Variants in PROM1 observed in about 807,000 individuals in gnomAD.
PROM1 encodes the protein prominin-1.
A neutral mutation model predicts 116.9 loss-of-function variants in PROM1; 105 were observed. The ratio of observed to expected loss-of-function variants is 0.90; its 90% confidence interval spans 0.77 to 1.06. The LOEUF (loss-of-function observed/expected upper bound fraction) is 1.06, where lower values mean the gene tolerates loss of function less well. Ranked by LOEUF, PROM1 falls within the 50% of genes least tolerant of loss-of-function variation. The pLI, the probability that PROM1 is intolerant of heterozygous loss-of-function variation, is 0.00. For synonymous variants in PROM1, 393 were observed against 387.0 expected, an observed-to-expected ratio of 1.02 and a Z score of -0.18; for missense variants, 1,122 against 1,045.2, an observed-to-expected ratio of 1.07 and a Z score of -1.01.
At chr4:15,985,284 G>T (rs1190361225) in intron 22 of PROM1, among the ~76,000 whole-genome samples, 1 of 152,274 alleles carries the variant, frequency 6.6e-6, no homozygotes. Context: ...GAGCACCCAA[G>T]GATTTTGGTA....
chr4:15,998,885 T>C (rs1442943130), intron 14 of PROM1, among the ~76,000 whole-genome samples: 1 of 152,012 alleles, frequency 6.6e-6, no homozygotes, highest in Non-Finnish European at 1.5e-5. Context: ...GCTAGTTTTG[T>C]AGTTTTAGTA....
chr4:16,009,088 A>G lies in PROM1; in HGVS notation c.1162T>C (p.Ser388Pro), dbSNP rs1443764084. Reference protein sequence around the residue: ...VVAGIKRVLNSIGSDIDNVTQ... With the variant: ...VVAGIKRVLNPIGSDIDNVTQ... ...ACATTGTCGATATCTGAACCAATGG[A>G]ATTCAAGACCCTTTTGATACCTGAA... The change falls in exon 12 of 28, where the codon TCC becomes CCC. Residue 388 changes from serine (S) to proline (P), a missense_variant. Physicochemically the swap from Ser to Pro is moderately conservative, Grantham distance 74. Transcript: ENST00000447510. The G allele has an allele frequency of 6.2e-7, 1 of 1,613,090 alleles. No individual in the cohort carries two copies. The highest frequency in any genetic ancestry group is 1.3e-5 in the African/African-American group (1 of 75,050).
intron 23 of PROM1, 30 bp from the exon 24 acceptor site, chr4:15,980,567 G>A (rs751856109): frequency 3.9e-5 from 51 of 1,323,804 alleles, no homozygotes; most frequent in Non-Finnish European, 5.3e-5. Flanking sequence ...AGAATTAAAT[G>A]TTTGAAGATA....
At chr4:15,978,764 C>A (rs994697134) in intron 26 of PROM1, among the ~76,000 whole-genome samples, 1 of 152,232 alleles carries the variant, frequency 6.6e-6, no homozygotes, top group African/African-American at 2.4e-5. Context: ...GTCTCCACCT[C>A]TTATAAGCAG....
intron 18 of PROM1, among the ~76,000 whole-genome samples, chr4:15,990,837 C>A (rs867419032): frequency 6.6e-6 from 1 of 152,234 alleles, no homozygotes; most frequent in South Asian, 2.1e-4. Flanking sequence ...GAACAACCTG[C>A]CACTTAATTA....
In PROM1 at chr4:16,011,500, A is replaced by G. The variant is rs370162250; in HGVS notation, c.1141+1775T>C. On this transcript the variant is annotated intron_variant, in intron 11 of 27. Coordinates refer to ENST00000447510, the MANE Select transcript of PROM1 (RefSeq NM_006017.3). ...GGCACTGGCCCGGCTCTAGGAAGAC[A>G]CTGGCTTGTGCTCAGGCAATGGCAC... 2.6e-5 allele frequency among the ~76,000 whole-genome samples: 4 copies of G among 152,248 alleles called. No individual in the cohort carries two copies. The East Asian group carries it at 5.8e-4, about 22-fold the overall frequency.
intron 1 of PROM1, among the ~76,000 whole-genome samples, chr4:16,081,828 C>T (rs115298436): frequency 0.016 from 2,396 of 151,604 alleles, 51 homozygotes; most frequent in African/African-American, 0.055. Flanking sequence ...GTATAAAAAT[C>T]AGAAGGAAGT....
intron 10 of PROM1, among the ~76,000 whole-genome samples, chr4:16,013,946 G>GA (rs34054630): frequency 4.0e-4 from 60 of 150,440 alleles, no homozygotes; most frequent in East Asian, 1.2e-3. Flanking sequence ...TAGTCTAAAC[G>GA]AAAAAAAAAA....
intron 15 of PROM1, among the ~76,000 whole-genome samples, chr4:15,995,299 G>GGA (rs955006794): frequency 2.0e-5 from 3 of 150,494 alleles, no homozygotes; most frequent in East Asian, 3.9e-4. Flanking sequence ...CCAGTTGGAA[G>GGA]GAGAGAGAGA....
chr4:16,005,388 G>A (rs1725160983), intron 13 of PROM1, among the ~76,000 whole-genome samples: 1 of 152,104 alleles, frequency 6.6e-6, no homozygotes, highest in Non-Finnish European at 1.5e-5. Flanking sequence ...AGTTTGTAAA[G>A]GCCTATACCA....
At chr4:16,071,798 C>T (rs2313733) in intron 2 of PROM1, among the ~76,000 whole-genome samples, 104,997 of 151,962 alleles carry the variant, frequency 0.69, 37,578 homozygotes, top group Non-Finnish European at 0.8. Context: ...TGGTATTATT[C>T]CAAGAAACTG....
intron 2 of PROM1, among the ~76,000 whole-genome samples, chr4:16,052,855 T>G (rs1423402918): frequency 1.3e-5 from 2 of 152,162 alleles, no homozygotes; most frequent in Non-Finnish European, 1.5e-5. Context: ...GGGAACAGGA[T>G]AGTATATGGA....
chr4:16,037,259 C>T (rs1167821966), intron 3 of PROM1, among the ~76,000 whole-genome samples: 1 of 152,104 alleles, frequency 6.6e-6, no homozygotes, highest in Admixed American at 6.5e-5. Context: ...TCATTTTCTT[C>T]CCCCCAGAGA....
intron 20 of PROM1, among the ~76,000 whole-genome samples, chr4:15,987,240 G>T (rs147978416): frequency 2.6e-5 from 4 of 152,288 alleles, no homozygotes; most frequent in African/African-American, 9.6e-5. Context: ...AGGACATGAG[G>T]TGCCCCAGAC....
intron 2 of PROM1, among the ~76,000 whole-genome samples, chr4:16,063,692 T>C (rs1227428344): frequency 6.6e-6 from 1 of 152,198 alleles, no homozygotes; most frequent in Non-Finnish European, 1.5e-5. Context: ...AAAAAAACTT[T>C]TAAAAATGCA....
At position 15,980,416 on chromosome 4, in the gene PROM1, ACTTACT is replaced by A; in HGVS notation, c.2489_2489+5del. ...CCCCCACGTCTGTGGAAGCCCACATACTTACTCATCGTACACGTCCTCCGAATCCAT... is the reference window on the plus strand; with the variant it reads ...CCCCCACGTCTGTGGAAGCCCACATACATCGTACACGTCCTCCGAATCCAT... On this transcript the variant is annotated splice_donor_variant and splice_donor_5th_base_variant and coding_sequence_variant and intron_variant, in exon 24 of 28. Transcript: ENST00000447510. LOFTEE classifies it high-confidence loss of function. 1 of 1,527,018 alleles carries A rather than the reference ACTTACT, an allele frequency of 6.5e-7. No homozygotes were observed. Among genetic ancestry groups the A allele is most frequent in the African/African-American group, 1.4e-5 (1 of 72,512 alleles). The allele number at this position is 1,527,018 out of a possible 1,614,324, so 94.6% of individuals were successfully genotyped here.
intron 26 of PROM1, 105 bp downstream of exon 26, chr4:15,979,290 G>T: frequency 6.4e-7 from 1 of 1,554,518 alleles, no homozygotes. Flanking sequence ...GTATCATACA[G>T]AGAGAAGTGA....
intron 5 of PROM1, among the ~76,000 whole-genome samples, chr4:16,031,262 C>T (rs1029507438): frequency 2.0e-5 from 3 of 152,118 alleles, no homozygotes; most frequent in African/African-American, 7.2e-5. Flanking sequence ...ATCCGAGTCT[C>T]ATCTTTGAGG....
chr4:16,028,328 G>A (rs1731835482), intron 5 of PROM1, among the ~76,000 whole-genome samples: 1 of 152,134 alleles, frequency 6.6e-6, no homozygotes, highest in Admixed American at 6.5e-5. Context: ...CATGGGAGCT[G>A]GGAGATCAAA....
Sources: gnomAD v4.1 joint callset for allele counts (sites outside exome capture counted in the v4.1 genomes callset) on GRCh38, gnomAD v4.1.1 for gene constraint, MANE v1.5 for transcripts, NCBI Gene and HGNC (gene_info 2026-07-23, HGNC 2026-07-21) for gene names.